Variants in SAXO1 observed in about 807,000 individuals in gnomAD.
SAXO1 encodes the protein stabilizer of axonemal microtubules 1.
A neutral mutation model predicts 17.5 loss-of-function variants in SAXO1; 21 were observed. The ratio of observed to expected loss-of-function variants is 1.20; its 90% CI spans 0.85 to 1.72. The LOEUF is 1.72. Ranked by LOEUF, SAXO1 falls within the 40% of genes most tolerant of loss-of-function variation. SAXO1 has a pLI of 0.00. For missense variants in SAXO1, 843 were observed against 596.0 expected (o/e 1.41, Z -4.32); for synonymous variants, 274 against 216.5 (o/e 1.27, Z -2.33).
chr9:18,993,239 T>G (rs1302812050), intron 1 of SAXO1, among the ~76,000 whole-genome samples: 4 of 152,120 alleles, frequency 2.6e-5, no homozygotes, highest in South Asian at 2.1e-4. Context: ...CCGCATGCAT[T>G]AGGTATTTGT....
At chr9:18,991,881 G>A (rs1364017003) in intron 1 of SAXO1, among the ~76,000 whole-genome samples, 1 of 152,090 alleles carries the variant, frequency 6.6e-6, no homozygotes, top group Non-Finnish European at 1.5e-5. Context: ...AAGATTTTGA[G>A]ACCTTTGGCT....
At chr9:18,993,279 C>T (rs550614446) in intron 1 of SAXO1, among the ~76,000 whole-genome samples, 52 of 151,004 alleles carry the variant, frequency 3.4e-4, no homozygotes, top group African/African-American at 1.2e-3. Flanking sequence ...TTGCCCCCCA[C>T]CCCCAGATAG....
chr9:18,981,571 G>C (rs1833385792), intron 1 of SAXO1, among the ~76,000 whole-genome samples: 1 of 152,144 alleles, frequency 6.6e-6, no homozygotes, highest in Non-Finnish European at 1.5e-5. Context: ...CACTAAGCCA[G>C]CATGCAAAAA....
At chr9:19,023,240 G>A (rs1056940680) in intron 1 of SAXO1, among the ~76,000 whole-genome samples, 2 of 146,760 alleles carry the variant, frequency 1.4e-5, no homozygotes, top group South Asian at 2.1e-4. Flanking sequence ...TCTAGGGTGC[G>A]AGCTCCACAG....
At chr9:19,030,130 C>G (rs1179519680) in intron 1 of SAXO1, among the ~76,000 whole-genome samples, 4 of 152,050 alleles carry the variant, frequency 2.6e-5, no homozygotes, top group African/African-American at 9.7e-5. Flanking sequence ...CCGGGCCTTA[C>G]AAGTCCAGCA....
At chr9:19,003,788 A>C (rs1834379261) in intron 1 of SAXO1, among the ~76,000 whole-genome samples, 1 of 152,290 alleles carries the variant, frequency 6.6e-6, no homozygotes, top group South Asian at 2.1e-4. Flanking sequence ...AACCATAAAA[A>C]CCCTAGAAGA....
At chr9:18,937,368 A>G (rs1831345274) in intron 3 of SAXO1, among the ~76,000 whole-genome samples, 1 of 152,118 alleles carries the variant, frequency 6.6e-6, no homozygotes, top group African/African-American at 2.4e-5. Flanking sequence ...CCATTCATCC[A>G]TTGAGTCCCT....
chr9:19,017,399 T>C (rs575886696), intron 1 of SAXO1, among the ~76,000 whole-genome samples: 2 of 151,998 alleles, frequency 1.3e-5, no homozygotes. Context: ...GATGAAAAAA[T>C]ATTTTTTTAA....
At chr9:18,940,408 G>A (rs138213154) in intron 3 of SAXO1, among the ~76,000 whole-genome samples, 1 of 152,290 alleles carries the variant, frequency 6.6e-6, no homozygotes, top group African/African-American at 2.4e-5. Context: ...CCAGGTTGCT[G>A]AAGAGGCCCA....
In SAXO1 at chr9:18,928,823, C is replaced by G. The variant is rs1043019568; in HGVS notation, c.654G>C (p.Lys218Asn). 1.1e-5 allele frequency: 18 copies of G among 1,613,998 alleles called. No individual in the cohort carries two copies. Among genetic ancestry groups the G allele is most frequent in the Non-Finnish European group, 1.5e-5 (18 of 1,180,038 alleles). The stretch of plus-strand genomic sequence containing the variant: ...ACTTCTCTGCTTCATGCACAAAGCG[C>G]TTCTCCACGGGGTGGGCCACATAGC... ...KMSYVAHPVE[K>N]RFVHEAEKFR... The change falls in exon 4 of 4, where the codon AAG (lysine) becomes AAC (asparagine). Residue 218 changes from lysine to asparagine, a missense_variant. Transcript: ENST00000380534.
In SAXO1 at chr9:18,991,964, G is replaced by A. The variant is rs1833832817; in HGVS notation, c.38+40907C>T. Among the ~76,000 whole-genome samples, 5 of 152,168 alleles carry A rather than the reference G, an allele frequency of 3.3e-5. No homozygotes were observed. In the South Asian group the frequency reaches 1.0e-3, roughly 31 times the overall value. On this transcript the variant is annotated intron_variant, in intron 1 of 3. Transcript: ENST00000380534. ...AAGTTTAAAAGTGTTCCAGGAATGAGCAAGTCAGAGTCTATGAATGATAAC... is the reference window on the plus strand; with the variant it reads ...AAGTTTAAAAGTGTTCCAGGAATGAACAAGTCAGAGTCTATGAATGATAAC...
At chr9:19,034,297 C>T (rs773468547), upstream of SAXO1, among the ~76,000 whole-genome samples, 40 of 151,936 alleles carry the variant, frequency 2.6e-4, no homozygotes, top group Non-Finnish European at 4.6e-4. Context: ...TTTTTTCCTT[C>T]AGTAATAGGC....
chr9:18,983,078 A>G (rs1023639745), intron 1 of SAXO1, among the ~76,000 whole-genome samples: 3 of 152,228 alleles, frequency 2.0e-5, no homozygotes, highest in Non-Finnish European at 4.4e-5. Flanking sequence ...CAAGGAAGAA[A>G]AAAGGAAAGG....
chr9:19,017,725 T>A (rs10811099), intron 1 of SAXO1, among the ~76,000 whole-genome samples: 2 of 152,088 alleles, frequency 1.3e-5, no homozygotes, highest in Non-Finnish European at 2.9e-5. Context: ...GAGCTTTCCC[T>A]GGTCCATCAT....
At chr9:18,987,212 G>C (rs1024107254) in intron 1 of SAXO1, among the ~76,000 whole-genome samples, 5 of 152,168 alleles carry the variant, frequency 3.3e-5, no homozygotes, top group Admixed American at 3.3e-4. Flanking sequence ...AATTATCTCA[G>C]CACAGAGAAG....
At chr9:18,960,193 G>A (rs534894732) in intron 1 of SAXO1, among the ~76,000 whole-genome samples, 1 of 152,186 alleles carries the variant, frequency 6.6e-6, no homozygotes, top group Non-Finnish European at 1.5e-5. Context: ...ACCTCTTCAA[G>A]AAGGTACAAT....
chr9:18,997,073 T>G (rs1362505521), intron 1 of SAXO1, among the ~76,000 whole-genome samples: 1 of 152,020 alleles, frequency 6.6e-6, no homozygotes. Flanking sequence ...AATTACCTGG[T>G]TCATCTCATT....
At chr9:19,043,453 G>A (rs1020832895) in intron 1 of SAXO1, among the ~76,000 whole-genome samples, 32 of 151,924 alleles carry the variant, frequency 2.1e-4, no homozygotes, top group Non-Finnish European at 4.4e-5. Flanking sequence ...GGTACAAAAA[G>A]TAGTTAGAAA....
At chr9:19,019,548 G>C (rs1835139046) in intron 1 of SAXO1, among the ~76,000 whole-genome samples, 1 of 152,034 alleles carries the variant, frequency 6.6e-6, no homozygotes, top group African/African-American at 2.4e-5. Context: ...GGCCAAAATG[G>C]TGAAACCCCA....
Sources: gnomAD v4.1 joint callset for allele counts (sites outside exome capture counted in the v4.1 genomes callset) on GRCh38, gnomAD v4.1.1 for gene constraint, MANE v1.5 for transcripts, NCBI Gene and HGNC (gene_info 2026-07-23, HGNC 2026-07-21) for gene names.